Variants in KIAA1217 observed in about 807,000 individuals in gnomAD.
The protein encoded by KIAA1217 is sickle tail protein homolog.
Under a neutral mutation model 163.9 loss-of-function variants are expected in KIAA1217, and 88 were observed. The observed-to-expected ratio is 0.54, with a 90% CI of 0.45 to 0.64. The LOEUF (loss-of-function observed/expected upper bound fraction) is 0.64. Ranked by LOEUF, KIAA1217 falls within the 30% of genes least tolerant of loss-of-function variation. The pLI is 0.00. For missense variants in KIAA1217, 2,372 were observed against 2,475.0 expected (o/e 0.96, Z 0.88); for synonymous variants, 903 against 923.1 (o/e 0.98, Z 0.39).
chr10:24,451,987 T>C (rs1015020547), intron 5 of KIAA1217, among the ~76,000 whole-genome samples: 8 of 152,150 alleles, frequency 5.3e-5, no homozygotes, highest in Admixed American at 3.9e-4. Flanking sequence ...CCCTACTCTA[T>C]AGAGGGCTTC....
chr10:24,451,571 A>G (rs2061375056), intron 5 of KIAA1217, among the ~76,000 whole-genome samples: 1 of 152,256 alleles, frequency 6.6e-6, no homozygotes, highest in Non-Finnish European at 1.5e-5. Context: ...CAAGGCTTCC[A>G]GCCCCAGTTC....
chr10:24,136,859 C>T (rs899379502), intron 2 of KIAA1217, among the ~76,000 whole-genome samples: 9 of 152,196 alleles, frequency 5.9e-5, no homozygotes, highest in African/African-American at 1.7e-4. Flanking sequence ...GAATTGTCCA[C>T]GTTATTCACA....
intron 1 of KIAA1217, among the ~76,000 whole-genome samples, chr10:23,737,751 A>G (rs1838894625): frequency 6.6e-6 from 1 of 152,158 alleles, no homozygotes; most frequent in Admixed American, 6.5e-5. Flanking sequence ...TATTTTTCTC[A>G]TAGTGATTAA....
chr10:24,277,378 G>C (rs2077418577), intron 2 of KIAA1217, among the ~76,000 whole-genome samples: 1 of 152,194 alleles, frequency 6.6e-6, no homozygotes, highest in African/African-American at 2.4e-5. Context: ...CTTCCTAGAG[G>C]GAAGCCTCGT....
At chr10:24,535,750 G>A (rs12220775) in intron 16 of KIAA1217, among the ~76,000 whole-genome samples, 1 of 151,956 alleles carries the variant, frequency 6.6e-6, no homozygotes, top group Non-Finnish European at 1.5e-5. Context: ...GCACTCCAGC[G>A]TGGGCGACAG....
intron 1 of KIAA1217, among the ~76,000 whole-genome samples, chr10:23,770,513 GAC>G (rs1305557482): frequency 3.9e-5 from 6 of 152,218 alleles, no homozygotes; most frequent in Non-Finnish European, 7.3e-5. Context: ...AAGAGCTGGT[GAC>G]ACACAACTTC....
At chr10:23,816,728 T>G (rs1248298857) in intron 1 of KIAA1217, among the ~76,000 whole-genome samples, 1 of 152,190 alleles carries the variant, frequency 6.6e-6, no homozygotes, top group Non-Finnish European at 1.5e-5. Context: ...TACACTATAT[T>G]TTATCATTAT....
chr10:23,726,850 C>T (rs186614851), intron 1 of KIAA1217, among the ~76,000 whole-genome samples: 7 of 152,186 alleles, frequency 4.6e-5, no homozygotes, highest in Admixed American at 1.3e-4. Flanking sequence ...AAATGTAATT[C>T]ACATATGAAA....
chr10:24,175,758 G>T lies in KIAA1217; in HGVS notation c.-170-43868G>T, dbSNP rs146009022. 1.8e-3 allele frequency among the ~76,000 whole-genome samples: 278 copies of T among 152,250 alleles called. 2 individuals are homozygous for T. Among genetic ancestry groups the T allele is most frequent in the African/African-American group, 6.5e-3 (270 of 41,540 alleles). ...TCTTGCTAGCTTCAGGAGTGAGGCT[G>T]CAGACCTTCGTGGTGAGTGTTACAG... On this transcript the variant is annotated intron_variant, in intron 2 of 18. Transcript: ENST00000376462.
chr10:23,782,567 G>A (rs1835306356), intron 1 of KIAA1217, among the ~76,000 whole-genome samples: 1 of 152,054 alleles, frequency 6.6e-6, no homozygotes, highest in Non-Finnish European at 1.5e-5. Flanking sequence ...CAAGTAGCTG[G>A]GACTACATGC....
chr10:24,449,736 A>G, intron 5 of KIAA1217: 3 of 985,442 alleles, frequency 3.0e-6, no homozygotes, highest in Non-Finnish European at 3.6e-6. Flanking sequence ...AGTTTCTTCT[A>G]GAAAAGAAAG....
At chr10:24,298,398 G>A (rs1195965153) in intron 2 of KIAA1217, among the ~76,000 whole-genome samples, 2 of 151,980 alleles carry the variant, frequency 1.3e-5, no homozygotes, top group East Asian at 1.9e-4. Context: ...AGAGGCCTTG[G>A]GTCTGATGGG....
intron 1 of KIAA1217, among the ~76,000 whole-genome samples, chr10:23,802,322 G>A (rs908865741): frequency 1.3e-5 from 2 of 152,134 alleles, no homozygotes; most frequent in African/African-American, 4.8e-5. Context: ...GTGATTGAGG[G>A]CCCAAAGTAT....
At chr10:24,341,172 G>T (rs545472037) in intron 2 of KIAA1217, among the ~76,000 whole-genome samples, 1 of 152,108 alleles carries the variant, frequency 6.6e-6, no homozygotes, top group African/African-American at 2.4e-5. Flanking sequence ...CATTCTCCCC[G>T]GGCTGAAGTT....
intron 1 of KIAA1217, among the ~76,000 whole-genome samples, chr10:23,797,153 C>G (rs1200902769): frequency 6.6e-6 from 1 of 152,050 alleles, no homozygotes; most frequent in Non-Finnish European, 1.5e-5. Flanking sequence ...AAATATTGTC[C>G]ATAGTGTTAT....
rs1835864093 is a variant in KIAA1217 at position 23,790,574 on chromosome 10, CATATGTA to C, written c.-321+95341_-321+95347del. Among the ~76,000 whole-genome samples, 4 of 117,362 alleles carry C rather than the reference CATATGTA, an allele frequency of 3.4e-5. 2 individuals are homozygous for C. Among genetic ancestry groups the C allele is most frequent in the African/African-American group, 1.6e-4 (4 of 25,178 alleles). The allele number at this position is 117,362 out of a possible 152,430, so 77.0% of individuals were successfully genotyped here. On this transcript the variant is annotated intron_variant, in intron 1 of 18. Transcript: ENST00000376462. ...ATACATATGTACATATGTATATATA[CATATGTA>C]TATGTACATATATACATGTACATAT...
intron 2 of KIAA1217, among the ~76,000 whole-genome samples, chr10:24,376,120 C>T (rs570294797): frequency 4.6e-5 from 7 of 152,254 alleles, no homozygotes; most frequent in Admixed American, 1.3e-4. Context: ...AAATCATGAC[C>T]GTCTTTTAAA....
chr10:24,237,468 C>T (rs1486395901), intron 2 of KIAA1217, among the ~76,000 whole-genome samples: 2 of 152,188 alleles, frequency 1.3e-5, no homozygotes, highest in South Asian at 2.1e-4. Context: ...TGACTCTTCT[C>T]GCTCTCTTTT....
rs1215351987 is a variant in KIAA1217 at position 23,937,256 on chromosome 10, G to A, written c.-320-69969G>A. Among the ~76,000 whole-genome samples, 3 of 152,250 alleles carry A rather than the reference G, an allele frequency of 2.0e-5. No homozygotes were observed. The East Asian group carries it at 5.8e-4, about 29-fold the overall frequency. The stretch of plus-strand genomic sequence containing the variant: ...GGGACGGAGCTTTTTAGGAGTGAGG[G>A]AGGAGCGCACCTACTATGACTGAAA... On this transcript the variant is annotated intron_variant, in intron 1 of 18. Transcript: ENST00000376462.
Sources: allele counts gnomAD v4.1 joint callset (sites outside exome capture counted in the v4.1 genomes callset), GRCh38; gene constraint gnomAD v4.1.1; transcripts MANE v1.5; gene names NCBI Gene and HGNC (gene_info 2026-07-23, HGNC 2026-07-21).